The following BRDT variants were observed in gnomAD, a reference collection of about 807,000 sequenced individuals.
The protein encoded by BRDT is bromodomain testis-specific protein.
Under a neutral mutation model 113.9 loss-of-function variants are expected in BRDT, and 77 were observed. That is an observed-to-expected ratio of 0.68 (90% CI 0.56 to 0.82). BRDT has a LOEUF of 0.82. BRDT is among the 40% of genes least tolerant of loss of function. BRDT has a pLI of 0.00. For missense variants in BRDT, 1,027 were observed against 1,105.4 expected, an observed-to-expected ratio of 0.93 and a Z score of 1.01; for synonymous variants, 358 against 366.5, an observed-to-expected ratio of 0.98 and a Z score of 0.26.
intron 18 of BRDT, among the ~76,000 whole-genome samples, chr1:92,013,272 AT>A (rs1687966097): frequency 6.6e-6 from 1 of 152,040 alleles, no homozygotes; most frequent in South Asian, 2.1e-4. Context: ...TTTAAGAAGT[AT>A]TTTTTTGTCT....
chr1:91,994,033 A>G, intron 14 of BRDT, 50 bp from the exon 15 acceptor site: 1 of 1,440,022 alleles, frequency 6.9e-7, no homozygotes, highest in Admixed American at 2.4e-5. Context: ...TCTTTGGTAT[A>G]CTTCTTGTAT....
chr1:91,981,657 C>G lies in BRDT; in HGVS notation c.1904C>G (p.Ser635Cys), dbSNP rs575966997. ...TQPSKAVENV[S>C]RLSESSSSSS... ...CCATCCAAAGCTGTTGAAAATGTTT[C>G]CCGACTGAGTGAGAGCAGCAGCAGC... Residue 635 changes from serine to cysteine, a missense_variant, in exon 12 of 19, where the codon TCC becomes TGC. By Grantham distance (112) the Ser-to-Cys change is moderately radical (BLOSUM62 -1). Transcript: ENST00000399546. The G allele has an allele frequency of 1.7e-5, 27 of 1,614,142 alleles. No homozygotes were observed. The highest frequency in any genetic ancestry group is 6.7e-5 in the Admixed American group (4 of 60,014).
chr1:92,010,351 A>G, intron 18 of BRDT, among the ~76,000 whole-genome samples: 1 of 139,300 alleles, frequency 7.2e-6, no homozygotes, highest in African/African-American at 2.7e-5. Context: ...GGCTCACTGC[A>G]ACCTCTGCCT....
intron 15 of BRDT, among the ~76,000 whole-genome samples, chr1:92,001,250 C>T (rs1686807574): frequency 2.0e-5 from 3 of 152,208 alleles, no homozygotes; most frequent in Admixed American, 1.3e-4. Context: ...ATAGTTATTA[C>T]ATTTTAGTCA....
At chr1:92,001,893 G>A (rs554960597) in intron 15 of BRDT, among the ~76,000 whole-genome samples, 156 bp from the exon 16 acceptor site, 1 of 152,238 alleles carries the variant, frequency 6.6e-6, no homozygotes, top group Non-Finnish European at 1.5e-5. Flanking sequence ...AGTATAACAA[G>A]TCCCTAACTA....
At position 92,004,586 on chromosome 1, in the gene BRDT, C is replaced by G. The variant is rs1687132905; in HGVS notation, c.2561C>G (p.Thr854Arg). The change falls in exon 17 of 19, where the codon ACA becomes AGA. Residue 854 changes from threonine to arginine, a missense_variant. Physicochemically the swap from Thr to Arg is moderately conservative, Grantham distance 71. Coordinates refer to ENST00000399546, the MANE Select transcript of BRDT (RefSeq NM_207189.4). ...ATACGGAAGCATTTGGAACAAAATACAAAGGAACTAAAAGCATCTCAAGAA... is the reference window on the plus strand; with the variant it reads ...ATACGGAAGCATTTGGAACAAAATAGAAAGGAACTAAAAGCATCTCAAGAA... ...ELIRKHLEQN[T>R]KELKASQENQ... The G allele has an allele frequency of 6.2e-7, 1 of 1,610,198 alleles. No homozygotes were observed. The highest frequency in any genetic ancestry group is 1.7e-5 in the Admixed American group (1 of 59,062).
intron 14 of BRDT, 27 bp from the exon 15 acceptor site, chr1:91,994,056 G>A (rs74101067): frequency 0.06 from 93,531 of 1,563,034 alleles, 3,121 homozygotes; most frequent in African/African-American, 0.097. Flanking sequence ...TTAAAACTAA[G>A]TGATAACTTT....
chr1:91,956,860 G>A (rs564100512), intron 1 of BRDT, among the ~76,000 whole-genome samples: 5 of 152,196 alleles, frequency 3.3e-5, no homozygotes, highest in Middle Eastern at 3.4e-3. Context: ...GATTGCTTGC[G>A]CCCAGGAGTT....
In BRDT at chr1:91,962,780, C is replaced by T. The variant is rs1557807518; in HGVS notation, c.26C>T (p.Ala9Val). The change falls in exon 2 of 19, where the codon GCT becomes GTT. Residue 9 changes from alanine (A) to valine (V), a missense_variant. Ala to Val is a moderately conservative substitution (Grantham distance 64). Transcript: ENST00000399546. MSLPSRQT[A>V]IIVNPPPPEY... ...ATGTCTCTGCCAAGTCGACAAACAG[C>T]TATTATTGTTAACCCTCCTCCACCA... The T allele has an allele frequency of 1.9e-6, 3 of 1,600,398 alleles. No individual in the cohort carries two copies. The highest frequency in any genetic ancestry group is 2.6e-6 in the Non-Finnish European group (3 of 1,175,168).
Position 91,977,125 on chromosome 1 carries a change from C to A in BRDT, c.701C>A (p.Thr234Lys), listed in dbSNP as rs142020784. 2 of 1,613,696 alleles carry A rather than the reference C, an allele frequency of 1.2e-6. No individual in the cohort carries two copies. The highest frequency in any genetic ancestry group is 1.7e-6 in the Non-Finnish European group (2 of 1,179,946). The change falls in exon 6 of 19, where the codon ACA becomes AAA. Residue 234 changes from threonine (T) to lysine (K), a missense_variant. Thr to Lys is a moderately conservative substitution (Grantham distance 78). Transcript: ENST00000399546. The part of the protein sequence containing the change: ...AVKASSEFSP[T>K]FTEKSVALPP... The stretch of plus-strand genomic sequence containing the variant: ...AAAGCAAGTAGTGAATTTTCTCCAA[C>A]ATTCACAGAAAAATCAGTGGCACTG...
At chr1:91,962,371 T>C (rs1682578560) in intron 1 of BRDT, among the ~76,000 whole-genome samples, 1 of 151,994 alleles carries the variant, frequency 6.6e-6, no homozygotes, top group Admixed American at 6.6e-5. Context: ...TTCATTCTTG[T>C]TGCCCAGGCT....
rs1238380603 is a variant in BRDT, at chr1:91,968,270, G to A, written c.445+10G>A. Reference sequence around the variant, plus strand: ...GAAAGAATCAAGAAAGGTAAGGCAGGAGGTAAACACTTTATGGTTCTCTCT... The same window carrying A: ...GAAAGAATCAAGAAAGGTAAGGCAGAAGGTAAACACTTTATGGTTCTCTCT... On this transcript the variant is annotated intron_variant, in intron 4 of 18. Transcript: ENST00000399546. 1 of 1,613,122 alleles carries A rather than the reference G, an allele frequency of 6.2e-7. No homozygotes were observed. The highest frequency in any genetic ancestry group is 1.3e-5 in the African/African-American group (1 of 74,880).
At chr1:91,970,884 CAG>C (rs1353567854) in intron 4 of BRDT, among the ~76,000 whole-genome samples, 1 of 116,412 alleles carries the variant, frequency 8.6e-6, no homozygotes, top group African/African-American at 3.4e-5. Context: ...AACAGAGCAA[CAG>C]AGCGACAGAG....
intron 3 of BRDT, among the ~76,000 whole-genome samples, chr1:91,965,851 A>G (rs1045876561): frequency 6.6e-5 from 10 of 151,400 alleles, no homozygotes; most frequent in East Asian, 1.9e-4. Context: ...TTCTCAAAAA[A>G]AAAAAAAAAA....
intron 18 of BRDT, among the ~76,000 whole-genome samples, chr1:92,012,096 G>A (rs538992811): frequency 6.6e-6 from 1 of 152,142 alleles, no homozygotes; most frequent in Non-Finnish European, 1.5e-5. Context: ...ATAACTGGAA[G>A]TTAGGAGTTC....
intron 1 of BRDT, chr1:91,950,665 A>G (rs1398160481): frequency 7.5e-6 from 1 of 133,454 alleles, no homozygotes; most frequent in Non-Finnish European, 1.6e-5. Context: ...ACCGAGTAGG[A>G]TGTGACAGTG....
At chr1:91,970,459 G>T (rs1683514781) in intron 4 of BRDT, among the ~76,000 whole-genome samples, 1 of 151,920 alleles carries the variant, frequency 6.6e-6, no homozygotes, top group Admixed American at 6.6e-5. Context: ...CAGAGGTGGG[G>T]TCTCATTTTG....
intron 18 of BRDT, among the ~76,000 whole-genome samples, chr1:92,010,267 A>ATT (rs373305680): frequency 0.55 from 55,905 of 101,122 alleles, 15,576 homozygotes; most frequent in Middle Eastern, 0.69. Context: ...TGCTCTTTTA[A>ATT]TTTTTTTTTT....
At chr1:91,968,106 A>G (rs1327186585) in intron 3 of BRDT, 40 bp from the exon 4 acceptor site, 8 of 1,599,736 alleles carry the variant, frequency 5.0e-6, no homozygotes, top group Non-Finnish European at 6.8e-6. Flanking sequence ...TACAGTGACC[A>G]TACTGTATAT....
Sources: allele counts gnomAD v4.1 joint callset (sites outside exome capture counted in the v4.1 genomes callset), GRCh38; gene constraint gnomAD v4.1.1; transcripts MANE v1.5; gene names NCBI Gene and HGNC (gene_info 2026-07-23, HGNC 2026-07-21).